Variants in KLHL14 observed in about 807,000 individuals in gnomAD.
KLHL14 encodes kelch like family member 14.
In KLHL14, 22 loss-of-function variants were observed where a neutral mutation model predicts 64.3. The ratio of observed to expected loss-of-function variants is 0.34; its 90% CI spans 0.24 to 0.49. KLHL14 has a LOEUF of 0.49. KLHL14 is among the 20% of genes least tolerant of loss of function. The pLI is 0.99. For missense variants in KLHL14, 661 were observed against 789.0 expected, an observed-to-expected ratio of 0.84 and a Z score of 1.94; for synonymous variants, 322 against 333.4, an observed-to-expected ratio of 0.97 and a Z score of 0.37.
In KLHL14 at chr18:32,695,512, C is replaced by T; in HGVS notation, c.1110G>A (p.Val370=). 1 of 1,613,018 alleles carries T rather than the reference C, an allele frequency of 6.2e-7. No individual in the cohort carries two copies. The highest frequency in any genetic ancestry group is 8.5e-7 in the Non-Finnish European group (1 of 1,179,286). ...CACCCAACACGAACAAGAAGTTTTC[C>T]ACCTCCACAACGCAGTGGTGGGCAC... is the stretch of plus-strand genomic sequence containing the variant. ...YNSAHHCVVE[V]ENFLFVLGGE... is the part of the protein sequence containing the mutation. The change falls in exon 4 of 9, where the codon GTG becomes GTA. Residue 370 remains valine, a synonymous_variant. Coordinates refer to ENST00000359358, the MANE Select transcript of KLHL14 (RefSeq NM_020805.3).
intron 4 of KLHL14, 112 bp from the exon 5 acceptor site, chr18:32,687,345 A>G: frequency 1.2e-6 from 1 of 846,280 alleles, no homozygotes; most frequent in Non-Finnish European, 2.0e-6. Context: ...AGATGAATTA[A>G]GTAGAGGGAA....
chr18:32,709,497 G>A (rs77472090), intron 3 of KLHL14, among the ~76,000 whole-genome samples: 2,729 of 151,584 alleles, frequency 0.018, 97 homozygotes, highest in African/African-American at 0.062. Context: ...ACCCAAGCTA[G>A]AGTGCAGTGA....
intron 3 of KLHL14, among the ~76,000 whole-genome samples, chr18:32,711,562 C>T (rs1318659226): frequency 1.3e-5 from 2 of 152,156 alleles, no homozygotes; most frequent in Non-Finnish European, 2.9e-5. Flanking sequence ...GTTGGCTGCT[C>T]TATGCAGTCA....
chr18:32,681,409 G>T (rs1360288870), intron 5 of KLHL14, among the ~76,000 whole-genome samples: 1 of 152,088 alleles, frequency 6.6e-6, no homozygotes, highest in South Asian at 2.1e-4. Flanking sequence ...ATAGAAAGGG[G>T]TGATGCAAAT....
intron 2 of KLHL14, among the ~76,000 whole-genome samples, chr18:32,745,767 G>A (rs1227316567): frequency 6.6e-6 from 1 of 152,196 alleles, no homozygotes. Flanking sequence ...TGACAATAAC[G>A]ACAGTTAATA....
intron 3 of KLHL14, among the ~76,000 whole-genome samples, chr18:32,730,291 C>T (rs886877586): frequency 2.0e-5 from 3 of 152,104 alleles, no homozygotes; most frequent in African/African-American, 4.8e-5. Context: ...TCAAGAAATC[C>T]GTGAGCTATG....
At chr18:32,759,325 C>CA (rs2050301723) in intron 2 of KLHL14, among the ~76,000 whole-genome samples, 1 of 152,268 alleles carries the variant, frequency 6.6e-6, no homozygotes, top group Admixed American at 6.5e-5. Flanking sequence ...TGTCAATACT[C>CA]ACGTTGTGGA....
intron 3 of KLHL14, among the ~76,000 whole-genome samples, chr18:32,703,169 C>T (rs1385296274): frequency 6.6e-6 from 1 of 152,200 alleles, no homozygotes; most frequent in Non-Finnish European, 1.5e-5. Context: ...ATCTCTGTAG[C>T]TTCATGCCTA....
intron 4 of KLHL14, among the ~76,000 whole-genome samples, chr18:32,688,906 G>A (rs910176794): frequency 6.6e-6 from 1 of 152,184 alleles, no homozygotes; most frequent in African/African-American, 2.4e-5. Flanking sequence ...CTTGAATGAA[G>A]GTGGAGGTGG....
At chr18:32,769,119 A>T (rs1487982577) in intron 2 of KLHL14, among the ~76,000 whole-genome samples, 1 of 152,242 alleles carries the variant, frequency 6.6e-6, no homozygotes, top group Non-Finnish European at 1.5e-5. Flanking sequence ...AGCAGATCCC[A>T]GTCATGAAGA....
At chr18:32,749,153 A>G (rs902940274) in intron 2 of KLHL14, among the ~76,000 whole-genome samples, 5 of 152,180 alleles carry the variant, frequency 3.3e-5, no homozygotes, top group Admixed American at 3.3e-4. Flanking sequence ...ATGATACTAA[A>G]TCATTGGGAT....
intron 2 of KLHL14, among the ~76,000 whole-genome samples, chr18:32,765,134 TA>T (rs2050334547): frequency 6.6e-6 from 1 of 152,216 alleles, no homozygotes; most frequent in African/African-American, 2.4e-5. Flanking sequence ...TATATGAGGC[TA>T]ATGATAGTAC....
intron 4 of KLHL14, among the ~76,000 whole-genome samples, chr18:32,689,677 G>GAAAGTCCTTGAGC (rs2049897433): frequency 6.6e-6 from 1 of 152,184 alleles, no homozygotes; most frequent in Non-Finnish European, 1.5e-5. Flanking sequence ...GGACACACTG[G>GAAAGTCCTTGAGC]AAAGTCCTTG....
chr18:32,739,862 T>C (rs1424268805), intron 3 of KLHL14, among the ~76,000 whole-genome samples: 3 of 152,212 alleles, frequency 2.0e-5, no homozygotes, highest in Admixed American at 1.3e-4. Flanking sequence ...AGAGCTTGCA[T>C]TGATTGACTG....
At chr18:32,675,541 C>T (rs2049807384) in intron 8 of KLHL14, among the ~76,000 whole-genome samples, 1 of 152,086 alleles carries the variant, frequency 6.6e-6, no homozygotes, top group African/African-American at 2.4e-5. Flanking sequence ...AAAACCAGTT[C>T]AAAGTAAACT....
chr18:32,731,567 T>G (rs2050137167), intron 3 of KLHL14, among the ~76,000 whole-genome samples: 1 of 152,124 alleles, frequency 6.6e-6, no homozygotes. Flanking sequence ...TGTAATAATA[T>G]GTACTGTGAC....
chr18:32,766,540 C>G (rs1385079095), intron 2 of KLHL14, among the ~76,000 whole-genome samples: 1 of 152,002 alleles, frequency 6.6e-6, no homozygotes, highest in Non-Finnish European at 1.5e-5. Context: ...ATATGTAATA[C>G]TTTTTTACTA....
chr18:32,744,351 C>A (rs1182210426), intron 2 of KLHL14: 1 of 152,084 alleles, frequency 6.6e-6, no homozygotes, highest in Non-Finnish European at 1.5e-5. Context: ...GTGGCAGGCA[C>A]CTGTAATCCC....
chr18:32,734,310 C>T, intron 3 of KLHL14: 1 of 693,326 alleles, frequency 1.4e-6, no homozygotes, highest in Non-Finnish European at 2.6e-6. Context: ...CTTTCTTCTC[C>T]CTGCTGCATC....
Sources: allele counts gnomAD v4.1 joint callset (sites outside exome capture counted in the v4.1 genomes callset), GRCh38; gene constraint gnomAD v4.1.1; transcripts MANE v1.5; gene names NCBI Gene and HGNC (gene_info 2026-07-23, HGNC 2026-07-21).